Variants in PWWP2A observed in about 807,000 individuals in gnomAD.
PWWP2A encodes the protein PWWP domain-containing protein 2A.
PWWP2A carries 18 observed loss-of-function variants against 48.5 expected under a neutral mutation model. The ratio of observed to expected loss-of-function variants is 0.37; its 90% CI spans 0.26 to 0.55. The LOEUF is 0.55. Among genes scored for constraint, PWWP2A ranks in the 20% least tolerant of loss-of-function variants. PWWP2A has a pLI of 0.81. For synonymous variants in PWWP2A, 396 were observed against 387.7 expected (o/e 1.02, Z -0.25); for missense variants, 867 against 976.4 (o/e 0.89, Z 1.49).
intron 1 of PWWP2A, chr5:160,108,722 AATC>A: frequency 4.1e-6 from 2 of 488,550 alleles, no homozygotes; most frequent in Middle Eastern, 3.3e-4. Context: ...TTCCTAAGGA[AATC>A]ATCAATTATT....
intron 1 of PWWP2A, among the ~76,000 whole-genome samples, chr5:160,097,781 T>C (rs1755842838): frequency 7.2e-6 from 1 of 139,256 alleles, no homozygotes; most frequent in African/African-American, 2.6e-5. Flanking sequence ...AGTGGCACAA[T>C]CTCGGCTCAC....
chr5:160,057,813 G>C (rs1350409465), downstream of PWWP2A, among the ~76,000 whole-genome samples: 1 of 152,174 alleles, frequency 6.6e-6, no homozygotes, highest in Non-Finnish European at 1.5e-5. The surrounding 1 kb of genome is among the most constrained non-coding windows in gnomAD (Gnocchi z 4.4). Context: ...TCTGTCGCCA[G>C]GCTGGAGTGC....
At chr5:160,085,505 C>CT (rs5872628) in intron 2 of PWWP2A, among the ~76,000 whole-genome samples, 11,705 of 109,784 alleles carry the variant, frequency 0.11, 755 homozygotes, top group Admixed American at 0.2. Context: ...CTGTCACATT[C>CT]TTTTTTTTTT....
chr5:160,083,211 A>C (rs1754369266), intron 2 of PWWP2A, among the ~76,000 whole-genome samples: 1 of 152,196 alleles, frequency 6.6e-6, no homozygotes, highest in African/African-American at 2.4e-5. Context: ...AATTCTTCCC[A>C]GTATACCAGG....
chr5:160,065,708 T>A (rs1753586659), intron 4 of PWWP2A, among the ~76,000 whole-genome samples: 1 of 152,226 alleles, frequency 6.6e-6, no homozygotes, highest in South Asian at 2.1e-4. Flanking sequence ...GAGTTGACCA[T>A]TCTACCATGT....
At chr5:160,104,596 A>G (rs923618506) in intron 1 of PWWP2A, among the ~76,000 whole-genome samples, 6 of 151,780 alleles carry the variant, frequency 4.0e-5, no homozygotes, top group Non-Finnish European at 8.8e-5. Flanking sequence ...TGAGGTCAGG[A>G]GTTCTAGACC....
chr5:160,045,504 A>T, the PWWP2A span, among the ~76,000 whole-genome samples: 38 of 95,158 alleles, frequency 4.0e-4, no homozygotes, highest in South Asian at 1.6e-3. Flanking sequence ...ACACACACAC[A>T]CACACACACA....
Position 160,062,466 on chromosome 5 carries a change from C to T in PWWP2A, c.*369-373G>A, listed in dbSNP as rs577203773. On this transcript the variant is annotated intron_variant and NMD_transcript_variant, in intron 5 of 5. Coordinates refer to the PWWP2A transcript ENST00000524050. ...CAGAAAGCACCTCTGGGCACACCTC[C>T]GTCTTTTGGGTCTGCCTCCCCACTA... is the stretch of plus-strand genomic sequence containing the variant. Among the ~76,000 whole-genome samples, 31 of 152,320 alleles carry T rather than the reference C, an allele frequency of 2.0e-4. No homozygotes were observed. In the South Asian group the frequency reaches 4.6e-3, roughly 22 times the overall value.
chr5:160,118,420 GC>G (rs539463000), intron 1 of PWWP2A, among the ~76,000 whole-genome samples: 23 of 61,078 alleles, frequency 3.8e-4, no homozygotes, highest in African/African-American at 1.2e-3. Flanking sequence ...AATGCCCCCC[GC>G]CCCCCCGTCC....
downstream of PWWP2A, among the ~76,000 whole-genome samples, chr5:160,060,682 ACT>A (rs1229150884): frequency 6.6e-6 from 1 of 152,124 alleles, no homozygotes; most frequent in African/African-American, 2.4e-5. Context: ...ACCCAACCTG[ACT>A]CTAAACAGCA....
chr5:160,080,516 G>A lies in PWWP2A; in HGVS notation c.1669+135C>T, dbSNP rs564685819. ...ACTATCACCTACACGAGGCACACCC[G>A]GCTACCAAAGTCAATGAAAACTAAA... On this transcript the variant is annotated intron_variant, in intron 3 of 3. Transcript: ENST00000456329. 6.6e-5 allele frequency: 55 copies of A among 839,362 alleles called. No individual in the cohort carries two copies. The East Asian group carries it at 1.1e-3, about 17-fold the overall frequency. The allele number at this position is 839,362 out of a possible 1,614,324, so 52.0% of individuals were successfully genotyped here. A position where few individuals can be genotyped will look rare whatever the true frequency, so the allele number is the denominator to read the frequency against.
rs1281776060 is a variant in PWWP2A, at chr5:160,119,159, TC to T, written c.229del (p.Glu77SerfsTer63). On this transcript the variant is annotated frameshift_variant, in exon 1 of 2. Coordinates refer to ENST00000307063, the MANE Select transcript of PWWP2A (RefSeq NM_001130864.2). LOFTEE classifies it high-confidence loss of function. ...CACCGCCTCTGGGCTGCGGGCGAGC[TC>T]CCCCGGCGGCGGCGGTGGCGGCGGG... ...PLPPPPPPPG[E>X]LARSPEAVGP... is the part of the protein sequence containing the mutation. The T allele has an allele frequency of 1.3e-6, 2 of 1,537,348 alleles. No individual in the cohort carries two copies. The highest frequency in any genetic ancestry group is 1.2e-5 in the South Asian group (1 of 83,748).
intron 1 of PWWP2A, among the ~76,000 whole-genome samples, chr5:160,102,963 CAT>C (rs1756471822): frequency 1.3e-5 from 2 of 152,160 alleles, no homozygotes; most frequent in East Asian, 1.9e-4. Flanking sequence ...AATAATGAAA[CAT>C]GAGATACAAA....
chr5:160,095,057 A>AAAAAG (rs1755486457), intron 1 of PWWP2A, among the ~76,000 whole-genome samples: 1 of 144,890 alleles, frequency 6.9e-6, no homozygotes, highest in African/African-American at 2.6e-5. Flanking sequence ...CAAAAAAAAA[A>AAAAAG]AAAAAAAAAA....
chr5:160,092,184 CCT>C lies in PWWP2A; in HGVS notation c.*196_*197del, dbSNP rs1030442975. Reference sequence around the variant, plus strand: ...GAAAAATACTGCTAAAATCTCACTTCCTTAACACAAAATTTGATTATATGTTC... The same window carrying C: ...GAAAAATACTGCTAAAATCTCACTTCTAACACAAAATTTGATTATATGTTC... On this transcript the variant is annotated 3_prime_UTR_variant, in exon 2 of 2. Transcript: ENST00000307063. 1 of 1,333,866 alleles carries C rather than the reference CCT, an allele frequency of 7.5e-7. No individual in the cohort carries two copies. Among genetic ancestry groups the C allele is most frequent in the Non-Finnish European group, 9.6e-7 (1 of 1,046,356 alleles). 82.6% of individuals were successfully genotyped at this position (1,333,866 alleles called of 1,614,324 possible).
chr5:160,079,302 G>A (rs902761677), intron 3 of PWWP2A, among the ~76,000 whole-genome samples: 3 of 151,302 alleles, frequency 2.0e-5, no homozygotes, highest in Admixed American at 6.6e-5. Context: ...TGCTTCCTTC[G>A]CTTACTAGAT....
At chr5:160,111,454 C>A (rs1757562835) in intron 1 of PWWP2A, among the ~76,000 whole-genome samples, 1 of 151,964 alleles carries the variant, frequency 6.6e-6, no homozygotes, top group African/African-American at 2.4e-5. Flanking sequence ...AGGCGTGAGC[C>A]ACCGCGCCTG....
downstream of PWWP2A, among the ~76,000 whole-genome samples, chr5:160,060,836 C>G (rs1423469086): frequency 6.6e-6 from 1 of 152,208 alleles, no homozygotes; most frequent in Admixed American, 6.5e-5. Flanking sequence ...CTGTTTTGCC[C>G]TGTTCTTTGT....
At chr5:160,044,469 A>C in the PWWP2A span, among the ~76,000 whole-genome samples, 2 of 152,210 alleles carry the variant, frequency 1.3e-5, no homozygotes, top group African/African-American at 4.8e-5. Context: ...TGAGATTTCC[A>C]AGAATGGGGC....
Sources: allele counts gnomAD v4.1 joint callset (sites outside exome capture counted in the v4.1 genomes callset), GRCh38; gene constraint gnomAD v4.1.1; non-coding constraint Gnocchi (gnomAD v3.1); transcripts MANE v1.5; gene names NCBI Gene and HGNC (gene_info 2026-07-23, HGNC 2026-07-21).